Variants in ZEB1 observed in about 807,000 individuals in gnomAD.
The protein encoded by ZEB1 is zinc finger E-box binding homeobox 1.
In ZEB1, 21 loss-of-function variants were observed where a neutral mutation model predicts 84.9. The ratio of observed to expected loss-of-function variants is 0.25; its 90% CI spans 0.18 to 0.36. The LOEUF (loss-of-function observed/expected upper bound fraction) is 0.36. Ranked by LOEUF, ZEB1 falls within the 10% of genes least tolerant of loss-of-function variation. The pLI, the probability that ZEB1 is intolerant of heterozygous loss-of-function variation, is 1.00. For missense variants in ZEB1, 1,104 were observed against 1,330.2 expected (o/e 0.83, Z 2.65); for synonymous variants, 420 against 471.1 (o/e 0.89, Z 1.41).
intron 5 of ZEB1, among the ~76,000 whole-genome samples, chr10:31,511,569 C>T (rs565046713): frequency 1.2e-4 from 18 of 152,168 alleles, no homozygotes; most frequent in Non-Finnish European, 2.2e-4. Flanking sequence ...ACAAGGTCCT[C>T]ATAGTTATCA....
intron 1 of ZEB1, among the ~76,000 whole-genome samples, chr10:31,426,720 T>C (rs1305989277): frequency 1.3e-5 from 2 of 152,092 alleles, no homozygotes; most frequent in Admixed American, 6.5e-5. Flanking sequence ...CTAGTTTGAA[T>C]TGATTTACCC....
chr10:31,526,215 T>C (rs190895092), intron 8 of ZEB1, among the ~76,000 whole-genome samples: 1 of 152,334 alleles, frequency 6.6e-6, no homozygotes. Context: ...ATAAAAAGTG[T>C]ATAGTAAACA....
rs149166539 is a variant in ZEB1, at chr10:31,514,614, G to A, written c.699G>A (p.Thr233=). ...TTCTTTTCTTACAGAGACATGTGAC[G>A]CAGTCTGGGTGTAATCGTAAATTCA... ...HKSGRDQRHV[T]QSGCNRKFKC... is the part of the protein sequence containing the mutation. The change falls in exon 6 of 9, where the codon ACG becomes ACA. Residue 233 remains threonine, a synonymous_variant. Transcript: ENST00000424869. The A allele has an allele frequency of 1.2e-3, 1,974 of 1,612,290 alleles. 5 individuals are homozygous for A. Among genetic ancestry groups the A allele is most frequent in the South Asian group, 3.6e-3 (325 of 91,018 alleles).
rs1340216988 is a variant in ZEB1, at chr10:31,521,286, A to G, written c.1954A>G (p.Lys652Glu). 2 of 1,613,974 alleles carry G rather than the reference A, an allele frequency of 1.2e-6. No individual in the cohort carries two copies. The highest frequency in any genetic ancestry group is 3.3e-5 in the Admixed American group (2 of 59,986). ...TGAACCATCTTCTCCTGAACCAGGC[A>G]AAGTAAATATCCCTGCCAAGAACAA... ...SSEPSSPEPG[K>E]VNIPAKNNDQ... The change falls in exon 7 of 9, where the codon AAA becomes GAA. Residue 652 changes from lysine (K) to glutamate (E), a missense_variant. Physicochemically the swap from Lys to Glu is moderately conservative, Grantham distance 56. This residue lies in a region of ZEB1 where 531 missense variants were observed against 575.2 expected (regional missense o/e 0.92). Coordinates refer to ENST00000424869, the MANE Select transcript of ZEB1 (RefSeq NM_001174096.2).
chr10:31,395,389 G>A (rs2050530365), intron 1 of ZEB1, among the ~76,000 whole-genome samples: 1 of 151,950 alleles, frequency 6.6e-6, no homozygotes. Context: ...GCACTTCCTA[G>A]GTATATGATA....
chr10:31,382,584 A>G (rs1208412063), intron 1 of ZEB1, among the ~76,000 whole-genome samples: 26 of 152,174 alleles, frequency 1.7e-4, no homozygotes, highest in Admixed American at 1.3e-3. Flanking sequence ...TTAGACAAAA[A>G]TCATCCGTAT....
intron 1 of ZEB1, among the ~76,000 whole-genome samples, chr10:31,333,345 C>A (rs2133327596): frequency 6.6e-6 from 1 of 152,220 alleles, no homozygotes; most frequent in South Asian, 2.1e-4. Context: ...CTCTGAGTTT[C>A]TGATCACCAC....
chr10:31,405,695 A>C (rs7071176), intron 1 of ZEB1, among the ~76,000 whole-genome samples: 2,158 of 151,322 alleles, frequency 0.014, 53 homozygotes, highest in African/African-American at 0.05. Flanking sequence ...ACGTGTTTCT[A>C]TTACACCTAG....
intron 1 of ZEB1, among the ~76,000 whole-genome samples, chr10:31,418,304 G>A (rs1206413148): frequency 6.6e-6 from 1 of 151,752 alleles, no homozygotes; most frequent in Non-Finnish European, 1.5e-5. Flanking sequence ...AATACCCAGT[G>A]GCAAAAACAA....
rs770656843 is a variant in ZEB1, at chr10:31,458,336, T to TTGTG, written c.59-2675_59-2672dup. The stretch of plus-strand genomic sequence containing the variant: ...CCGTGTGTGTGTGTGTGTGTGTGTG[T>TTGTG]TGTGTGTGTGTGTGTGTGTGTGTGT... On this transcript the variant is annotated intron_variant, in intron 1 of 8. Coordinates refer to ENST00000424869, the MANE Select transcript of ZEB1 (RefSeq NM_001174096.2). Among the ~76,000 whole-genome samples, 940 of 102,272 alleles carry TTGTG rather than the reference T, an allele frequency of 9.2e-3. 10 individuals are homozygous for TTGTG. Among genetic ancestry groups the TTGTG allele is most frequent in the African/African-American group, 0.063 (753 of 11,970 alleles). The allele number at this position is 102,272 out of a possible 152,430, so 67.1% of individuals were successfully genotyped here.
chr10:31,353,861 A>G (rs570091519), intron 1 of ZEB1, among the ~76,000 whole-genome samples: 1 of 152,194 alleles, frequency 6.6e-6, no homozygotes, highest in Non-Finnish European at 1.5e-5. Flanking sequence ...CAGAAGATTA[A>G]CTGAAAGCAC....
chr10:31,356,248 C>T (rs1030164232), intron 1 of ZEB1, among the ~76,000 whole-genome samples: 2 of 151,932 alleles, frequency 1.3e-5, no homozygotes, highest in Admixed American at 1.3e-4. Context: ...TGTTTGACTT[C>T]ATTAACTAAT....
rs576283614 is a variant in ZEB1, at chr10:31,377,292, G to A, written c.58+58000G>A. On this transcript the variant is annotated intron_variant, in intron 1 of 8. Coordinates refer to ENST00000424869, the MANE Select transcript of ZEB1 (RefSeq NM_001174096.2). The stretch of plus-strand genomic sequence containing the variant: ...AGAATTATGCTATCCTTCTACTTAG[G>A]CTCTAGGGAGACAAGAGCCATGTAA... 2.0e-5 allele frequency among the ~76,000 whole-genome samples: 3 copies of A among 151,554 alleles called. No homozygotes were observed. In the South Asian group the frequency reaches 6.2e-4, roughly 31 times the overall value.
chr10:31,401,284 G>A (rs10128274), intron 1 of ZEB1, among the ~76,000 whole-genome samples: 9,647 of 152,232 alleles, frequency 0.063, 764 homozygotes, highest in African/African-American at 0.18. Context: ...AAATGGTTAA[G>A]AAATACATAA....
intron 1 of ZEB1, among the ~76,000 whole-genome samples, chr10:31,391,261 G>T (rs1391341630): frequency 6.8e-6 from 1 of 147,414 alleles, no homozygotes; most frequent in African/African-American, 2.7e-5. Flanking sequence ...GTGTGTGTGT[G>T]TGTGTGTGTG....
chr10:31,461,070 C>T lies in ZEB1; in HGVS notation c.92C>T (p.Ser31Leu). The T allele has an allele frequency of 6.2e-7, 1 of 1,613,060 alleles. No homozygotes were observed. Among genetic ancestry groups the T allele is most frequent in the South Asian group, 1.1e-5 (1 of 91,022 alleles). ...TNYNTVVETN[S>L]DSDDEDKLHI... ...TATAATACTGTGGTAGAAACAAATT[C>T]AGATTCAGATGATGAAGACAAACTG... Residue 31 changes from serine (S) to leucine (L), a missense_variant, in exon 2 of 9, where the codon TCA (serine) becomes TTA (leucine). Ser to Leu is a moderately radical substitution (Grantham distance 145, BLOSUM62 -2). Around this residue, in one of 7 missense-constraint regions of ZEB1, gnomAD observed 162 missense variants for 184.5 expected, o/e 0.88. Coordinates refer to ENST00000424869, the MANE Select transcript of ZEB1 (RefSeq NM_001174096.2).
intron 7 of ZEB1, among the ~76,000 whole-genome samples, chr10:31,523,376 T>C (rs574662255): frequency 6.6e-6 from 1 of 152,296 alleles, no homozygotes; most frequent in East Asian, 1.9e-4. Flanking sequence ...CTTAGACAAG[T>C]GGTAGAGCAC....
chr10:31,404,203 T>A (rs1192388682), intron 1 of ZEB1, among the ~76,000 whole-genome samples: 1 of 151,270 alleles, frequency 6.6e-6, no homozygotes, highest in African/African-American at 2.5e-5. Flanking sequence ...GATTGCTGTG[T>A]ACCCTTTTCT....
intron 4 of ZEB1, among the ~76,000 whole-genome samples, chr10:31,507,805 A>G (rs1591971351): frequency 6.6e-6 from 1 of 151,882 alleles, no homozygotes; most frequent in Non-Finnish European, 1.5e-5. Flanking sequence ...ATTATTTTTA[A>G]TCATTTTCCA....
Sources: gnomAD v4.1 joint callset for allele counts (sites outside exome capture counted in the v4.1 genomes callset) on GRCh38, gnomAD v4.1.1 for gene constraint, gnomAD v4.1.1 regional missense constraint, MANE v1.5 for transcripts, NCBI Gene and HGNC (gene_info 2026-07-23, HGNC 2026-07-21) for gene names.